Variants in PBX3 observed in about 807,000 individuals in gnomAD.
The protein encoded by PBX3 is PBX homeobox 3, also known as pre-B-cell leukemia transcription factor 3.
PBX3 carries 14 observed loss-of-function variants against 48.5 expected under a neutral mutation model. That is an observed-to-expected ratio of 0.29 (90% CI 0.19 to 0.45). PBX3 has a LOEUF of 0.45. Among genes scored for constraint, PBX3 ranks in the 20% least tolerant of loss-of-function variants. The pLI is 1.00. For synonymous variants in PBX3, 210 were observed against 200.3 expected, an observed-to-expected ratio of 1.05 and a Z score of -0.41; for missense variants, 386 against 546.7, an observed-to-expected ratio of 0.71 and a Z score of 2.93.
chr9:125,840,943 T>C (rs1047252084), intron 2 of PBX3, among the ~76,000 whole-genome samples: 2 of 152,260 alleles, frequency 1.3e-5, no homozygotes, highest in Non-Finnish European at 1.5e-5. Context: ...TAAGTCTCCA[T>C]AGAGTCTTAC....
chr9:125,902,075 T>C (rs1423304528), intron 2 of PBX3, among the ~76,000 whole-genome samples: 2 of 151,246 alleles, frequency 1.3e-5, no homozygotes, highest in South Asian at 2.1e-4. Context: ...ATAAAACAAC[T>C]TGTGGTTTTT....
At chr9:125,783,244 A>G (rs1297715444) in intron 2 of PBX3, among the ~76,000 whole-genome samples, 1 of 152,102 alleles carries the variant, frequency 6.6e-6, no homozygotes, top group Non-Finnish European at 1.5e-5. Context: ...GTTATTATAC[A>G]TTGAGATGCA....
intron 2 of PBX3, among the ~76,000 whole-genome samples, chr9:125,863,095 G>C (rs1839900957): frequency 6.6e-6 from 1 of 151,708 alleles, no homozygotes; most frequent in African/African-American, 2.4e-5. Context: ...ATGAGGTCTT[G>C]CTTTGTTGGC....
chr9:125,880,666 G>A (rs1423951178), intron 2 of PBX3, among the ~76,000 whole-genome samples: 1 of 152,104 alleles, frequency 6.6e-6, no homozygotes. Flanking sequence ...AGTATTCTAA[G>A]TCTGTATATT....
intron 5 of PBX3, among the ~76,000 whole-genome samples, chr9:125,946,330 G>A (rs552146109): frequency 6.6e-6 from 1 of 152,044 alleles, no homozygotes; most frequent in East Asian, 1.9e-4. Flanking sequence ...AAAAAACTGG[G>A]CACACAATCA....
chr9:125,915,929 TCAG>T lies in PBX3; in HGVS notation c.516+7_516+9del, dbSNP rs1185694145. The stretch of plus-strand genomic sequence containing the variant: ...ACAGAACTGGAGAAATATGAACAGG[TCAG>T]CAGCCGCCACTCTCATAGTCCTACA... On this transcript the variant is annotated splice_donor_5th_base_variant and intron_variant, in intron 3 of 8. Transcript: ENST00000373489. 16 of 1,611,574 alleles carry T rather than the reference TCAG, an allele frequency of 9.9e-6. No homozygotes were observed. The highest frequency in any genetic ancestry group is 1.3e-5 in the African/African-American group (1 of 74,842).
At chr9:125,872,185 CAA>C in intron 2 of PBX3, among the ~76,000 whole-genome samples, 1 of 151,976 alleles carries the variant, frequency 6.6e-6, no homozygotes, top group Non-Finnish European at 1.5e-5. Context: ...ATAGAAGAAA[CAA>C]AAGCAGGGCA....
intron 2 of PBX3, among the ~76,000 whole-genome samples, chr9:125,897,005 A>C (rs1840784827): frequency 6.6e-6 from 1 of 151,918 alleles, no homozygotes; most frequent in African/African-American, 2.4e-5. Context: ...TAAAAATTTA[A>C]TCATTGTTTA....
chr9:125,792,422 T>A (rs1205533500), intron 2 of PBX3, among the ~76,000 whole-genome samples: 1 of 152,086 alleles, frequency 6.6e-6, no homozygotes, highest in Admixed American at 6.5e-5. Flanking sequence ...GAAGGTAGGC[T>A]CTGTAGAGCT....
intron 2 of PBX3, among the ~76,000 whole-genome samples, chr9:125,779,472 G>T (rs1837179390): frequency 7.8e-6 from 1 of 128,744 alleles, no homozygotes; most frequent in South Asian, 2.8e-4. Flanking sequence ...TAACGAGCAT[G>T]CTGCCTTTCA....
At chr9:125,938,384 A>T (rs1201643185) in intron 5 of PBX3, among the ~76,000 whole-genome samples, 1 of 152,224 alleles carries the variant, frequency 6.6e-6, no homozygotes, top group Non-Finnish European at 1.5e-5. Flanking sequence ...TATAATTATC[A>T]ATAGATATTA....
Position 125,840,272 on chromosome 9 carries a change from CACTGGA to C in PBX3, c.275-75412_275-75407del, listed in dbSNP as rs1384104806. ...GTTTTTTATTTTTCATTTTTTAGCACACTGGAAATGTGTCCATTGTGTTTTAGATGC... is the reference window on the plus strand; with the variant it reads ...GTTTTTTATTTTTCATTTTTTAGCACAATGTGTCCATTGTGTTTTAGATGC... On this transcript the variant is annotated intron_variant, in intron 2 of 8. Transcript: ENST00000373489. 2.0e-5 allele frequency among the ~76,000 whole-genome samples: 3 copies of C among 152,014 alleles called. No individual in the cohort carries two copies. In the East Asian group the frequency reaches 5.8e-4, roughly 29 times the overall value.
intron 3 of PBX3, among the ~76,000 whole-genome samples, chr9:125,927,169 C>G (rs531014616): frequency 1.5e-4 from 23 of 152,158 alleles, no homozygotes; most frequent in African/African-American, 5.3e-4. Context: ...GGCTATTAAC[C>G]AACATAACTC....
At chr9:125,936,405 T>C (rs912166273) in intron 5 of PBX3, among the ~76,000 whole-genome samples, 1 of 152,228 alleles carries the variant, frequency 6.6e-6, no homozygotes, top group African/African-American at 2.4e-5. Context: ...CTTTATAGCA[T>C]GCAAAAGCAG....
intron 3 of PBX3, among the ~76,000 whole-genome samples, chr9:125,916,639 A>G (rs1409357136): frequency 1.3e-5 from 2 of 152,216 alleles, no homozygotes; most frequent in Non-Finnish European, 2.9e-5. Context: ...TAACTATAAA[A>G]TATTACTGAT....
chr9:125,935,590 A>G lies in PBX3; in HGVS notation c.826A>G (p.Ser276Gly), dbSNP rs1320149348. 3 of 1,613,842 alleles carry G rather than the reference A, an allele frequency of 1.9e-6. No homozygotes were observed. The highest frequency in any genetic ancestry group is 2.5e-6 in the Non-Finnish European group (3 of 1,179,842). ...CAAAGAGGAGCTGGCCAAGAAATGC[A>G]GCATCACAGTGTCACAGGTGAGAAA... The part of the protein sequence containing the change: ...EAKEELAKKC[S>G]ITVSQVSNWF... Residue 276 changes from serine (S) to glycine (G), a missense_variant, in exon 5 of 9, where the codon AGC (serine) becomes GGC (glycine). Physicochemically the swap from Ser to Gly is moderately conservative, Grantham distance 56. Around this residue, in one of 4 missense-constraint regions of PBX3, gnomAD observed 74 missense variants for 206.1 expected, o/e 0.36. Coordinates refer to ENST00000373489, the MANE Select transcript of PBX3 (RefSeq NM_006195.6).
intron 2 of PBX3, among the ~76,000 whole-genome samples, chr9:125,802,930 C>T (rs1055777739): frequency 1.2e-4 from 18 of 151,222 alleles, no homozygotes; most frequent in Middle Eastern, 3.5e-3. Context: ...CTGCCCGCCT[C>T]GGCCTCCCAA....
intron 2 of PBX3, among the ~76,000 whole-genome samples, chr9:125,879,360 C>T (rs1840330527): frequency 6.6e-6 from 1 of 151,884 alleles, no homozygotes; most frequent in South Asian, 2.1e-4. Context: ...GGATTACAGG[C>T]GTGAGCCACC....
intron 2 of PBX3, among the ~76,000 whole-genome samples, chr9:125,772,677 G>A (rs1012382671): frequency 1.6e-4 from 24 of 152,224 alleles, no homozygotes; most frequent in African/African-American, 5.8e-4. Context: ...AGAGGTGAAT[G>A]TATGTACAGG....
Sources: allele counts gnomAD v4.1 joint callset (sites outside exome capture counted in the v4.1 genomes callset), GRCh38; gene constraint gnomAD v4.1.1; regional missense constraint gnomAD v4.1.1; transcripts MANE v1.5; gene names NCBI Gene and HGNC (gene_info 2026-07-23, HGNC 2026-07-21).